Variants in PXDNL observed in about 807,000 individuals in gnomAD.
The protein encoded by PXDNL is probable oxidoreductase PXDNL.
Under a neutral mutation model 150.8 loss-of-function variants are expected in PXDNL, and 145 were observed. The observed-to-expected ratio is 0.96, with a 90% CI of 0.84 to 1.10. The LOEUF (loss-of-function observed/expected upper bound fraction) is 1.10, where lower values mean the gene tolerates loss of function less well. Among genes scored for constraint, PXDNL ranks in the 50% least tolerant of loss-of-function variants. The probability of loss-of-function intolerance (pLI) is 0.00; values close to 1 mark genes in which losing one functional copy is unlikely to be tolerated. For synonymous variants in PXDNL, 757 were observed against 725.7 expected, an observed-to-expected ratio of 1.04 and a Z score of -0.69; for missense variants, 2,087 against 1,873.9, an observed-to-expected ratio of 1.11 and a Z score of -2.10.
In PXDNL at chr8:51,794,043, T is replaced by C. The variant is rs534633843; in HGVS notation, c.164+15138A>G. ...GCAACCACAAGTATCATTAACCGAA[T>C]AGACCAAGCAGAAGAAAGAATTTCA... On this transcript the variant is annotated intron_variant, in intron 1 of 22. Transcript: ENST00000356297. 2.7e-4 allele frequency among the ~76,000 whole-genome samples: 41 copies of C among 151,750 alleles called. No homozygotes were observed. The South Asian group carries it at 4.0e-3, about 15-fold the overall frequency.
intron 2 of PXDNL, among the ~76,000 whole-genome samples, chr8:51,647,539 A>C (rs1406515813): frequency 6.6e-6 from 1 of 152,224 alleles, no homozygotes; most frequent in East Asian, 1.9e-4. Context: ...GTAGAAAAAT[A>C]TGAGTCATCA....
At chr8:51,560,103 C>G (rs376757229) in intron 3 of PXDNL, among the ~76,000 whole-genome samples, 6 of 151,790 alleles carry the variant, frequency 4.0e-5, no homozygotes, top group African/African-American at 9.7e-5. Context: ...ATAAACTTAA[C>G]CAAGCGGGTT....
chr8:51,770,582 G>A (rs2037282418), intron 1 of PXDNL, among the ~76,000 whole-genome samples: 1 of 152,174 alleles, frequency 6.6e-6, no homozygotes, highest in African/African-American at 2.4e-5. Flanking sequence ...GTCTCCTGCT[G>A]TCTCCTCCTG....
chr8:51,577,486 T>C (rs1283912450), intron 3 of PXDNL, among the ~76,000 whole-genome samples: 3 of 149,806 alleles, frequency 2.0e-5, no homozygotes, highest in Non-Finnish European at 4.5e-5. Flanking sequence ...TTGAAAAACC[T>C]CTGGCAAGAC....
At chr8:51,581,930 TC>T (rs1813220260) in intron 3 of PXDNL, among the ~76,000 whole-genome samples, 1 of 152,136 alleles carries the variant, frequency 6.6e-6, no homozygotes, top group African/African-American at 2.4e-5. Context: ...CCCTCATCAA[TC>T]TTTTTTTACC....
At chr8:51,733,400 A>G (rs1280229370) in intron 1 of PXDNL, among the ~76,000 whole-genome samples, 1 of 152,140 alleles carries the variant, frequency 6.6e-6, no homozygotes, top group African/African-American at 2.4e-5. Context: ...TGCACACCCT[A>G]TGTTTTAGTT....
intron 4 of PXDNL, among the ~76,000 whole-genome samples, chr8:51,507,739 G>C (rs1811323332): frequency 6.6e-6 from 1 of 152,164 alleles, no homozygotes; most frequent in Non-Finnish European, 1.5e-5. Context: ...GCAATGTCTG[G>C]AGATGCTTTT....
At chr8:51,495,492 G>C (rs1330950453) in intron 5 of PXDNL, among the ~76,000 whole-genome samples, 1 of 152,058 alleles carries the variant, frequency 6.6e-6, no homozygotes, top group African/African-American at 2.4e-5. Flanking sequence ...GAATCCAGGA[G>C]CTGGTTTTTG....
intron 17 of PXDNL, among the ~76,000 whole-genome samples, chr8:51,406,728 A>G (rs937018837): frequency 2.6e-5 from 4 of 152,204 alleles, no homozygotes; most frequent in Admixed American, 2.6e-4. Context: ...GTGTGCTCAC[A>G]GCATTTAATC....
intron 17 of PXDNL, among the ~76,000 whole-genome samples, chr8:51,396,078 G>A (rs988570102): frequency 4.6e-5 from 7 of 152,182 alleles, no homozygotes; most frequent in African/African-American, 1.4e-4. Context: ...GAAATAAATC[G>A]GTTCTATAGA....
intron 8 of PXDNL, among the ~76,000 whole-genome samples, chr8:51,466,593 C>G (rs1018942707): frequency 6.6e-6 from 1 of 152,106 alleles, no homozygotes; most frequent in African/African-American, 2.4e-5. Context: ...AAACTATCAA[C>G]AGAATAAATA....
intron 3 of PXDNL, among the ~76,000 whole-genome samples, chr8:51,571,765 GTAGT>G (rs1010033536): frequency 6.6e-6 from 1 of 151,784 alleles, no homozygotes; most frequent in Non-Finnish European, 1.5e-5. Context: ...GCTTATTTGT[GTAGT>G]TAGAGAATTA....
intron 4 of PXDNL, among the ~76,000 whole-genome samples, chr8:51,500,897 G>A (rs376377688): frequency 6.6e-6 from 1 of 152,090 alleles, no homozygotes; most frequent in African/African-American, 2.4e-5. Context: ...ATTTTTGAAA[G>A]GAGAAAAGAA....
At chr8:51,392,983 C>T (rs1289886369) in intron 17 of PXDNL, among the ~76,000 whole-genome samples, 2 of 152,070 alleles carry the variant, frequency 1.3e-5, no homozygotes, top group Non-Finnish European at 2.9e-5. Flanking sequence ...AATATATTTC[C>T]TGAGCAAAAG....
chr8:51,394,509 G>C (rs764798072), intron 17 of PXDNL, among the ~76,000 whole-genome samples: 2 of 152,140 alleles, frequency 1.3e-5, no homozygotes. Context: ...CTTTGATTCT[G>C]TAACAGTAGG....
In PXDNL at chr8:51,319,870, C is replaced by T. The variant is rs944874217; in HGVS notation, c.*21G>A. On this transcript the variant is annotated 3_prime_UTR_variant, in exon 23 of 23. Transcript: ENST00000356297. Reference sequence around the variant, plus strand: ...TTCCTGAGAAATTTCCCATTTGGGGCTCAACAGCACAAAACTTTTATTAGC... The same window carrying T: ...TTCCTGAGAAATTTCCCATTTGGGGTTCAACAGCACAAAACTTTTATTAGC... 6.8e-7 allele frequency: 1 copy of T among 1,474,164 alleles called. No homozygotes were observed. Among genetic ancestry groups the T allele is most frequent in the Non-Finnish European group, 9.0e-7 (1 of 1,109,480 alleles). 91.3% of individuals were successfully genotyped at this position (1,474,164 alleles called of 1,614,324 possible). A position where few individuals can be genotyped will look rare whatever the true frequency, so the allele number is the denominator to read the frequency against.
At chr8:51,526,337 G>GTT (rs10635094) in intron 4 of PXDNL, among the ~76,000 whole-genome samples, 29,656 of 150,520 alleles carry the variant, frequency 0.2, 3,214 homozygotes, top group African/African-American at 0.28. Context: ...TAGCTGATCT[G>GTT]TTTTTTTTTC....
At chr8:51,499,047 G>T (rs1459822494) in intron 5 of PXDNL, among the ~76,000 whole-genome samples, 2 of 152,130 alleles carry the variant, frequency 1.3e-5, no homozygotes, top group Non-Finnish European at 2.9e-5. Context: ...GTGAATTTCT[G>T]CTGTGCATGT....
chr8:51,649,859 T>C (rs774058257), intron 2 of PXDNL, among the ~76,000 whole-genome samples: 9 of 152,096 alleles, frequency 5.9e-5, no homozygotes, highest in Non-Finnish European at 1.0e-4. Context: ...CTCAGCACTT[T>C]GGGAGGCCGA....
Sources: allele counts gnomAD v4.1 joint callset (sites outside exome capture counted in the v4.1 genomes callset), GRCh38; gene constraint gnomAD v4.1.1; transcripts MANE v1.5; gene names NCBI Gene and HGNC (gene_info 2026-07-23, HGNC 2026-07-21).